Variants in SAMD5 observed in about 807,000 individuals in gnomAD.
The protein encoded by SAMD5 is sterile alpha motif domain containing 5, also known as sterile alpha motif domain-containing protein 5.
In SAMD5, 13 loss-of-function variants were observed where a neutral mutation model predicts 11.3. That is an observed-to-expected ratio of 1.15 (90% confidence interval 0.75 to 1.83). The LOEUF (loss-of-function observed/expected upper bound fraction) is 1.83. SAMD5 is among the 40% of genes most tolerant of loss of function. The pLI is 0.00. For missense variants in SAMD5, 255 were observed against 239.1 expected, an observed-to-expected ratio of 1.07 and a Z score of -0.44; for synonymous variants, 129 against 111.3, an observed-to-expected ratio of 1.16 and a Z score of -1.00.
chr6:147,690,521 C>T (rs1263292384), intron 1 of SAMD5, among the ~76,000 whole-genome samples: 7 of 151,942 alleles, frequency 4.6e-5, no homozygotes, highest in African/African-American at 9.7e-5. Context: ...TGGTGGCGGG[C>T]GCCTGCAGTC....
chr6:147,710,665 AGTT>A (rs1380383638), intron 1 of SAMD5, among the ~76,000 whole-genome samples: 3 of 152,162 alleles, frequency 2.0e-5, no homozygotes, highest in Non-Finnish European at 4.4e-5. Flanking sequence ...TATAATTGTT[AGTT>A]GTTCTATTTT....
chr6:147,654,350 G>T (rs1790534933), intron 1 of SAMD5, among the ~76,000 whole-genome samples: 3 of 152,102 alleles, frequency 2.0e-5, no homozygotes, highest in African/African-American at 7.2e-5. Flanking sequence ...TTCTATAAAA[G>T]TATGAATTTC....
At chr6:147,816,153 G>A in the SAMD5 span, among the ~76,000 whole-genome samples, 1,256 of 150,426 alleles carry the variant, frequency 8.3e-3, 18 homozygotes, top group Middle Eastern at 0.045. Flanking sequence ...GGTGGCGCGC[G>A]CCTGTAATCT....
chr6:147,869,080 A>G, the SAMD5 span, among the ~76,000 whole-genome samples: 1 of 152,214 alleles, frequency 6.6e-6, no homozygotes, highest in Non-Finnish European at 1.5e-5. Context: ...CAAAAGGAAA[A>G]CGGATGTTCG....
At chr6:147,537,200 A>G (rs552758284) in intron 1 of SAMD5, among the ~76,000 whole-genome samples, 20 of 152,246 alleles carry the variant, frequency 1.3e-4, no homozygotes, top group Non-Finnish European at 2.4e-4. Flanking sequence ...TATAGACCAA[A>G]GAACGCTAAA....
At chr6:147,863,685 G>A in the SAMD5 span, among the ~76,000 whole-genome samples, 4 of 151,606 alleles carry the variant, frequency 2.6e-5, no homozygotes, top group African/African-American at 9.7e-5. Context: ...AGGACCCAAG[G>A]TCTGACCTTT....
intron 1 of SAMD5, among the ~76,000 whole-genome samples, chr6:147,720,786 G>T (rs2128459220): frequency 6.7e-6 from 1 of 150,298 alleles, no homozygotes; most frequent in Admixed American, 6.6e-5. Flanking sequence ...CCATGCTGGT[G>T]CGCTGCACCC....
Position 147,557,312 on chromosome 6 carries a change from C to A in SAMD5, c.460-7082C>A, listed in dbSNP as rs568006095. On this transcript the variant is annotated intron_variant, in intron 1 of 1. Transcript: ENST00000367474. ...AACATTTAAAATTCTATCTTTCCTG[C>A]AAAGGAGCCTATGTTTTCTAGGGCT... Among the ~76,000 whole-genome samples the A allele has an allele frequency of 1.2e-3, 189 of 152,154 alleles. 5 individuals are homozygous for A. Among genetic ancestry groups the A allele is most frequent in the Non-Finnish European group, 4.1e-4 (28 of 68,022 alleles).
intron 1 of SAMD5, among the ~76,000 whole-genome samples, chr6:147,611,309 T>C (rs1376926893): frequency 6.6e-6 from 1 of 152,096 alleles, no homozygotes; most frequent in Non-Finnish European, 1.5e-5. Flanking sequence ...TTAGAAGTCA[T>C]GCCTGTAATC....
At chr6:147,915,997 C>A in the SAMD5 span, among the ~76,000 whole-genome samples, 1 of 148,904 alleles carries the variant, frequency 6.7e-6, no homozygotes, top group Non-Finnish European at 1.5e-5. Context: ...TGAGAACATG[C>A]GGTGTTTGGT....
At chr6:147,627,697 CA>C (rs1425665956) in intron 1 of SAMD5, among the ~76,000 whole-genome samples, 2 of 152,050 alleles carry the variant, frequency 1.3e-5, no homozygotes, top group Non-Finnish European at 2.9e-5. Context: ...TTATGATGCC[CA>C]GTCTAGATTT....
chr6:147,795,800 A>C, the SAMD5 span, among the ~76,000 whole-genome samples: 2 of 150,268 alleles, frequency 1.3e-5, no homozygotes, highest in African/African-American at 4.9e-5. Context: ...TTTGATTTGC[A>C]TTTCTCTGAT....
chr6:147,790,689 A>G, the SAMD5 span, among the ~76,000 whole-genome samples: 3 of 151,196 alleles, frequency 2.0e-5, no homozygotes, highest in Non-Finnish European at 4.4e-5. Flanking sequence ...GAGGGCACCA[A>G]TCAGGGGCCC....
chr6:147,803,950 C>T, the SAMD5 span, among the ~76,000 whole-genome samples: 57 of 152,162 alleles, frequency 3.7e-4, no homozygotes, highest in Non-Finnish European at 6.3e-4. Context: ...TGCTCCTTCT[C>T]GCCTTGCAGA....
At chr6:147,702,215 G>T (rs1190402325) in intron 1 of SAMD5, among the ~76,000 whole-genome samples, 1 of 152,174 alleles carries the variant, frequency 6.6e-6, no homozygotes, top group Non-Finnish European at 1.5e-5. Context: ...CATAAGAACA[G>T]CATGGGAAAG....
chr6:147,517,502 T>TGATAAATCAGCGGTA (rs151108525), intron 1 of SAMD5, among the ~76,000 whole-genome samples: 4 of 151,720 alleles, frequency 2.6e-5, no homozygotes, highest in African/African-American at 9.7e-5. Flanking sequence ...GGGTGTTTGA[T>TGATAAATCAGCGGTA]GATTTTTAGT....
chr6:147,685,371 A>T (rs897814872), intron 1 of SAMD5, among the ~76,000 whole-genome samples: 1 of 151,972 alleles, frequency 6.6e-6, no homozygotes, highest in Non-Finnish European at 1.5e-5. Context: ...ACAGGATTTC[A>T]CCATGTTGCC....
At chr6:147,520,084 AG>A (rs1334898844) in intron 1 of SAMD5, among the ~76,000 whole-genome samples, 3 of 150,888 alleles carry the variant, frequency 2.0e-5, no homozygotes, top group African/African-American at 7.3e-5. Context: ...ATACTTATGA[AG>A]TTGCTTTGTA....
the SAMD5 span, among the ~76,000 whole-genome samples, chr6:147,930,249 C>G: frequency 6.6e-6 from 1 of 152,128 alleles, no homozygotes; most frequent in Non-Finnish European, 1.5e-5. Flanking sequence ...TTTCTATCAG[C>G]ATTTTGGTTA....
Sources: allele counts gnomAD v4.1 joint callset (sites outside exome capture counted in the v4.1 genomes callset), GRCh38; gene constraint gnomAD v4.1.1; transcripts MANE v1.5; gene names NCBI Gene and HGNC (gene_info 2026-07-23, HGNC 2026-07-21).